The following PELI2 variants were observed in gnomAD, a reference collection of about 807,000 sequenced individuals.
PELI2 encodes E3 ubiquitin-protein ligase pellino homolog 2.
In PELI2, 23 loss-of-function variants were observed where a neutral mutation model predicts 42.3. The observed-to-expected ratio is 0.54, with a 90% CI of 0.39 to 0.77. The LOEUF is 0.77. PELI2 is among the 30% of genes least tolerant of loss of function. The probability of loss-of-function intolerance (pLI) is 0.00; values close to 1 mark genes in which losing one functional copy is unlikely to be tolerated. For synonymous variants in PELI2, 245 were observed against 212.2 expected, an observed-to-expected ratio of 1.15 and a Z score of -1.34; for missense variants, 463 against 553.2, an observed-to-expected ratio of 0.84 and a Z score of 1.64.
chr14:56,191,763 A>C (rs1039945306), intron 2 of PELI2, among the ~76,000 whole-genome samples: 17 of 152,220 alleles, frequency 1.1e-4, no homozygotes, highest in Non-Finnish European at 2.5e-4. Flanking sequence ...TTTGTACTTG[A>C]GCTATAATAC....
intron 2 of PELI2, among the ~76,000 whole-genome samples, chr14:56,250,133 A>G (rs1888294001): frequency 6.6e-6 from 1 of 152,114 alleles, no homozygotes; most frequent in African/African-American, 2.4e-5. Context: ...TTTGGCTTCA[A>G]GCTTATTTCC....
intron 1 of PELI2, among the ~76,000 whole-genome samples, chr14:56,170,196 A>C (rs1172408285): frequency 6.6e-6 from 1 of 152,178 alleles, no homozygotes; most frequent in African/African-American, 2.4e-5. Flanking sequence ...TTCAGCCTGT[A>C]ATGAAGAGCT....
At chr14:56,128,137 CACT>C (rs1236007914) in intron 1 of PELI2, among the ~76,000 whole-genome samples, 1 of 152,150 alleles carries the variant, frequency 6.6e-6, no homozygotes, top group Non-Finnish European at 1.5e-5. Context: ...ACACACTAAA[CACT>C]GATCATTCAG....
At position 56,121,864 on chromosome 14, in the gene PELI2, A is replaced by G. The variant is rs150979769; in HGVS notation, c.77+3127A>G. Among the ~76,000 whole-genome samples, 142 of 152,308 alleles carry G rather than the reference A, an allele frequency of 9.3e-4. 1 individual carries two copies. The highest frequency in any genetic ancestry group is 3.2e-3 in the African/African-American group (132 of 41,556). On this transcript the variant is annotated intron_variant, in intron 1 of 5. Transcript: ENST00000267460. ...TAGAAACTATTTAGTTACATATTCT[A>G]AGTTCCCTGACAGTTGTTTTAATAG...
chr14:56,155,632 A>G (rs1180196951), intron 1 of PELI2, among the ~76,000 whole-genome samples: 1 of 146,888 alleles, frequency 6.8e-6, no homozygotes, highest in Non-Finnish European at 1.5e-5. Flanking sequence ...CCCAGGCTGG[A>G]GTGCAGTGGC....
intron 1 of PELI2, among the ~76,000 whole-genome samples, chr14:56,146,748 T>G (rs981246629): frequency 6.6e-6 from 1 of 152,196 alleles, no homozygotes; most frequent in African/African-American, 2.4e-5. Flanking sequence ...AGAGATCAAT[T>G]TTACTTGTGT....
intron 1 of PELI2, among the ~76,000 whole-genome samples, chr14:56,157,703 GTA>G (rs1367595568): frequency 6.6e-6 from 1 of 152,178 alleles, no homozygotes; most frequent in Non-Finnish European, 1.5e-5. Context: ...GATCTGGCAT[GTA>G]TGTATTTCCA....
At chr14:56,176,433 G>A (rs555613496) in intron 1 of PELI2, among the ~76,000 whole-genome samples, 1 of 152,290 alleles carries the variant, frequency 6.6e-6, no homozygotes, top group South Asian at 2.1e-4. Context: ...GAAAGCCAGT[G>A]GCGGTGGGTT....
chr14:56,286,876 G>A (rs1051548287), intron 3 of PELI2, among the ~76,000 whole-genome samples: 3 of 152,282 alleles, frequency 2.0e-5, no homozygotes, highest in East Asian at 1.9e-4. Context: ...GTGTATGACC[G>A]ATCAAGATAA....
chr14:56,288,144 T>C lies in PELI2; in HGVS notation c.310-293T>C, dbSNP rs1027429085. ...GAGAGTTGCTGTGCACCGTTCTGCC[T>C]GTAGTCAACAATGACTGCATTATGT... On this transcript the variant is annotated intron_variant, in intron 3 of 5. Coordinates refer to ENST00000267460, the MANE Select transcript of PELI2 (RefSeq NM_021255.3). This position sits in a 1 kb window ranked among gnomAD's most constrained non-coding sequence, Gnocchi z 4.6. Among the ~76,000 whole-genome samples, 1 of 152,242 alleles carries C rather than the reference T, an allele frequency of 6.6e-6. No individual in the cohort carries two copies. The highest frequency in any genetic ancestry group is 1.5e-5 in the Non-Finnish European group (1 of 68,048).
At chr14:56,135,966 TTTC>T (rs1314122682) in intron 1 of PELI2, among the ~76,000 whole-genome samples, 3 of 152,244 alleles carry the variant, frequency 2.0e-5, no homozygotes, top group Admixed American at 2.0e-4. Context: ...TGCTTGCATC[TTTC>T]TTTGATGGAT....
At chr14:56,215,640 G>A (rs1886884106) in intron 2 of PELI2, among the ~76,000 whole-genome samples, 1 of 152,162 alleles carries the variant, frequency 6.6e-6, no homozygotes, top group Admixed American at 6.5e-5. Flanking sequence ...CTACATTTTG[G>A]TAGCAAAACA....
chr14:56,166,141 G>GT (rs1369527550), intron 1 of PELI2, among the ~76,000 whole-genome samples: 11 of 152,064 alleles, frequency 7.2e-5, no homozygotes, highest in Admixed American at 7.2e-4. Context: ...TCTGTTGTAT[G>GT]TTTTTTGATT....
chr14:56,266,347 C>T (rs893114426), intron 2 of PELI2, among the ~76,000 whole-genome samples: 4 of 152,024 alleles, frequency 2.6e-5, no homozygotes, highest in Admixed American at 1.3e-4. Context: ...GGAAGATTTG[C>T]AACTCATATC....
chr14:56,281,580 G>A (rs964364415), intron 3 of PELI2, among the ~76,000 whole-genome samples: 1 of 152,082 alleles, frequency 6.6e-6, no homozygotes, highest in Non-Finnish European at 1.5e-5. Flanking sequence ...AAATGTATTT[G>A]CAGTAGTCCT....
intron 2 of PELI2, among the ~76,000 whole-genome samples, chr14:56,220,572 C>T (rs1205021955): frequency 6.6e-6 from 1 of 152,020 alleles, no homozygotes; most frequent in Non-Finnish European, 1.5e-5. Flanking sequence ...GCCAAAAAAT[C>T]ATGAGATGAA....
chr14:56,205,306 G>T (rs531287885), intron 2 of PELI2, among the ~76,000 whole-genome samples: 2 of 152,298 alleles, frequency 1.3e-5, no homozygotes, highest in East Asian at 3.9e-4. Context: ...AGATCAAAGA[G>T]TGATACTGGT....
chr14:56,193,992 A>AT (rs1370988042), intron 2 of PELI2, among the ~76,000 whole-genome samples: 1 of 151,974 alleles, frequency 6.6e-6, no homozygotes, highest in East Asian at 1.9e-4. Flanking sequence ...GCTCTTGTTA[A>AT]TTTTTTCATT....
In PELI2 at chr14:56,156,273, C is replaced by T. The variant is rs1884562044; in HGVS notation, c.78-22062C>T. 4.6e-5 allele frequency among the ~76,000 whole-genome samples: 7 copies of T among 151,958 alleles called. No homozygotes were observed. In the South Asian group the frequency reaches 1.5e-3, roughly 32 times the overall value. On this transcript the variant is annotated intron_variant, in intron 1 of 5. Coordinates refer to ENST00000267460, the MANE Select transcript of PELI2 (RefSeq NM_021255.3). The stretch of plus-strand genomic sequence containing the variant: ...ATATTGCAAATTCCAAAATGTGTCC[C>T]TAGAAAAAATGCTTCAACCCCAAGC...
Sources: allele counts gnomAD v4.1 joint callset (sites outside exome capture counted in the v4.1 genomes callset), GRCh38; gene constraint gnomAD v4.1.1; non-coding constraint Gnocchi (gnomAD v3.1); transcripts MANE v1.5; gene names NCBI Gene and HGNC (gene_info 2026-07-23, HGNC 2026-07-21).